SEH1L: variants seen among roughly 807,000 people sequenced by gnomAD.
SEH1L encodes nucleoporin SEH1.
In SEH1L, 18 loss-of-function variants were observed where a neutral mutation model predicts 49.5. The ratio of observed to expected loss-of-function variants is 0.36; its 90% CI spans 0.25 to 0.54. The LOEUF is 0.54. SEH1L is among the 20% of genes least tolerant of loss of function. SEH1L has a pLI of 0.87. For synonymous variants in SEH1L, 169 were observed against 178.1 expected (o/e 0.95, Z 0.41); for missense variants, 404 against 528.8 (o/e 0.76, Z 2.31).
chr18:12,954,988 A>G (rs1322941889), intron 2 of SEH1L, among the ~76,000 whole-genome samples: 1 of 152,196 alleles, frequency 6.6e-6, no homozygotes, highest in Non-Finnish European at 1.5e-5. Context: ...GCTGGTAACC[A>G]CTAATCTACT....
intron 4 of SEH1L, among the ~76,000 whole-genome samples, chr18:12,970,356 G>A (rs1480055250): frequency 1.3e-5 from 2 of 152,192 alleles, no homozygotes; most frequent in African/African-American, 2.4e-5. Flanking sequence ...GGGGAATGAC[G>A]TGGGGATCGT....
At chr18:12,960,931 G>C (rs1251704443) in intron 3 of SEH1L, among the ~76,000 whole-genome samples, 1 of 152,190 alleles carries the variant, frequency 6.6e-6, no homozygotes, top group East Asian at 1.9e-4. Flanking sequence ...GTGGAAATTT[G>C]TTAAAAAATT....
intron 3 of SEH1L, among the ~76,000 whole-genome samples, chr18:12,958,517 C>G (rs2031014260): frequency 2.0e-5 from 3 of 152,084 alleles, no homozygotes; most frequent in South Asian, 4.2e-4. Flanking sequence ...TTAAAGAATG[C>G]CTCCCCCTTC....
chr18:12,976,107 TTCGGTATTTCAATG>T (rs1434005545), intron 5 of SEH1L, among the ~76,000 whole-genome samples: 5 of 152,150 alleles, frequency 3.3e-5, no homozygotes, highest in Non-Finnish European at 5.9e-5. Flanking sequence ...ACAGTACAGA[TTCGGTATTTCAATG>T]TCTGTGGGTC....
intron 3 of SEH1L, among the ~76,000 whole-genome samples, chr18:12,955,828 T>C (rs1234807055): frequency 3.3e-5 from 5 of 152,170 alleles, no homozygotes; most frequent in Non-Finnish European, 7.3e-5. Context: ...TTTATAACTT[T>C]TATGATGAAT....
At chr18:12,971,931 T>C (rs2031723428) in intron 5 of SEH1L, 1 of 152,204 alleles carries the variant, frequency 6.6e-6, no homozygotes, top group Non-Finnish European at 1.5e-5. Context: ...TATACTGTTG[T>C]TGGAACATGC....
chr18:12,968,104 T>C (rs138765210), intron 4 of SEH1L, among the ~76,000 whole-genome samples: 1 of 152,318 alleles, frequency 6.6e-6, no homozygotes, highest in East Asian at 1.9e-4. Context: ...TTTTCTTGGG[T>C]GTCTGCTGAT....
At position 12,978,741 on chromosome 18, in the gene SEH1L, T is replaced by G; in HGVS notation, c.621-11T>G. 6.2e-7 allele frequency: 1 copy of G among 1,601,318 alleles called. No homozygotes were observed. The highest frequency in any genetic ancestry group is 8.5e-7 in the Non-Finnish European group (1 of 1,172,798). ...TTTCTAAAATGTTAATGTCAATTGT[T>G]TTTCCATTAGGAAATATGCAAAAGC... On this transcript the variant is annotated splice_polypyrimidine_tract_variant and intron_variant, in intron 5 of 8. Transcript: ENST00000399892.
rs903260607 is a variant in SEH1L at position 12,984,366 on chromosome 18, T to A, written c.1070+176T>A. On this transcript the variant is annotated intron_variant, in intron 8 of 8. Coordinates refer to ENST00000399892, the MANE Select transcript of SEH1L (RefSeq NM_001013437.2). ...ATGTATTTGGCTTACTTGGTCATAA[T>A]ATTTGCAGGTAGGTTATGAAGTCAT... 23 of 661,422 alleles carry A rather than the reference T, an allele frequency of 3.5e-5. No homozygotes were observed. The East Asian group carries it at 5.9e-4, about 17-fold the overall frequency. 41.0% of individuals were successfully genotyped at this position (661,422 alleles called of 1,614,324 possible).
chr18:12,970,633 C>T (rs368317100), intron 4 of SEH1L, among the ~76,000 whole-genome samples: 1 of 152,054 alleles, frequency 6.6e-6, no homozygotes, highest in African/African-American at 2.4e-5. Flanking sequence ...TTATGTGGCC[C>T]AGGTTCTTCT....
chr18:12,975,952 T>C, intron 5 of SEH1L: 2 of 829,734 alleles, frequency 2.4e-6, no homozygotes, highest in Non-Finnish European at 2.9e-6. Context: ...CAAAGAGGAG[T>C]GAATGTGGTA....
In SEH1L at chr18:12,948,018, G is replaced by A. The variant is rs935079374; in HGVS notation, c.-104G>A. 1.3e-4 allele frequency: 103 copies of A among 766,802 alleles called. No homozygotes were observed. Among genetic ancestry groups the A allele is most frequent in the Middle Eastern group, 3.0e-4 (1 of 3,356 alleles). 47.5% of individuals were successfully genotyped at this position (766,802 alleles called of 1,614,324 possible). A position where few individuals can be genotyped will look rare whatever the true frequency, so the allele number is the denominator to read the frequency against. ...CGGTGCGGGGGCGTGGGCAGCACAA[G>A]CCGTGCGCTCCCGGGCTGCGAGGTC... On this transcript the variant is annotated 5_prime_UTR_variant, in exon 1 of 9. Transcript: ENST00000399892.
Position 12,987,181 on chromosome 18 carries a change from T to A in SEH1L, c.*124T>A. ...AACTTAGGGTCTGTCTTGCATGTAT[T>A]ACAACCAGAATACAGTGTTTGGAAC... On this transcript the variant is annotated 3_prime_UTR_variant, in exon 9 of 9. Coordinates refer to ENST00000399892, the MANE Select transcript of SEH1L (RefSeq NM_001013437.2). The A allele has an allele frequency of 1.6e-6, 1 of 643,314 alleles. No homozygotes were observed. Among genetic ancestry groups the A allele is most frequent in the Non-Finnish European group, 2.5e-6 (1 of 392,902 alleles). The allele number at this position is 643,314 out of a possible 1,614,324, so 39.9% of individuals were successfully genotyped here.
At position 12,958,952 on chromosome 18, in the gene SEH1L, T is replaced by TA. The variant is rs534458934; in HGVS notation, c.309+3344dup. ...CTTTTCCATAGCAGCTACACCATTT[T>TA]ACATTCCTACCAGCAATGCTCAAGG... On this transcript the variant is annotated intron_variant, in intron 3 of 8. Coordinates refer to ENST00000399892, the MANE Select transcript of SEH1L (RefSeq NM_001013437.2). Among the ~76,000 whole-genome samples the TA allele has an allele frequency of 1.9e-3, 282 of 152,358 alleles. 2 individuals are homozygous for TA. The highest frequency in any genetic ancestry group is 6.3e-3 in the African/African-American group (260 of 41,584).
In SEH1L at chr18:12,986,813, T is replaced by TC. The variant is rs2032479078; in HGVS notation, c.1071-47dup. ...TTCTCTTTTTCTTGTGTTTTTTTTT[T>TC]CCTGTTTTTGTTTTGTTTGGTGTTT... On this transcript the variant is annotated intron_variant, in intron 8 of 8. Transcript: ENST00000399892. 5.3e-6 allele frequency: 7 copies of TC among 1,331,190 alleles called. No homozygotes were observed. In the Admixed American group the frequency reaches 2.5e-4, roughly 47 times the overall value. The allele number at this position is 1,331,190 out of a possible 1,614,324, so 82.5% of individuals were successfully genotyped here.
chr18:12,959,866 A>G (rs933667830), intron 3 of SEH1L, among the ~76,000 whole-genome samples: 3 of 152,182 alleles, frequency 2.0e-5, no homozygotes, highest in African/African-American at 7.2e-5. Flanking sequence ...TGTATCCCCA[A>G]TGTGGAGCTG....
chr18:12,980,185 G>A (rs1235081391), intron 6 of SEH1L, among the ~76,000 whole-genome samples: 98 of 124,444 alleles, frequency 7.9e-4, no homozygotes, highest in Middle Eastern at 0.012. Flanking sequence ...TCACCTCCCG[G>A]ATGGGGCGGC....
chr18:12,983,363 C>T (rs1326196704), intron 7 of SEH1L: 2 of 152,244 alleles, frequency 1.3e-5, no homozygotes, highest in African/African-American at 4.8e-5. Context: ...TGAGGGCCTC[C>T]CATGTTCAAT....
chr18:12,958,152 C>T (rs1259214664), intron 3 of SEH1L, among the ~76,000 whole-genome samples: 3 of 118,012 alleles, frequency 2.5e-5, no homozygotes, highest in African/African-American at 3.2e-5. Context: ...GGTGGGATCT[C>T]GGCTTACTGC....
Sources: gnomAD v4.1 joint callset for allele counts (sites outside exome capture counted in the v4.1 genomes callset) on GRCh38, gnomAD v4.1.1 for gene constraint, MANE v1.5 for transcripts, NCBI Gene and HGNC (gene_info 2026-07-23, HGNC 2026-07-21) for gene names.